ANK1: variants seen among roughly 807,000 people sequenced by gnomAD.
ANK1 encodes ankyrin-1.
ANK1 carries 51 observed loss-of-function variants against 210.4 expected under a neutral mutation model. The observed-to-expected ratio is 0.24, with a 90% confidence interval of 0.19 to 0.31. The LOEUF is 0.31. ANK1 is among the 10% of genes least tolerant of loss of function. The pLI is 1.00. For synonymous variants in ANK1, 967 were observed against 1,025.9 expected, an observed-to-expected ratio of 0.94 and a Z score of 1.10; for missense variants, 2,051 against 2,504.4, an observed-to-expected ratio of 0.82 and a Z score of 3.86.
In ANK1 at chr8:41,699,352, C is replaced by T. The variant is rs1296671271; in HGVS notation, c.2558+100G>A. ...CTCTCTCTGCGGGCAGCGAGCCCAG[C>T]GCCTGGCCTGCTGTGTCCTTCCTCC... On this transcript the variant is annotated intron_variant, in intron 23 of 42. Coordinates refer to ENST00000289734, the MANE Select transcript of ANK1 (RefSeq NM_000037.4). 6.3e-5 allele frequency: 71 copies of T among 1,124,976 alleles called. 1 individual carries two copies. In the South Asian group the frequency reaches 6.8e-4, roughly 11 times the overall value. The allele number at this position is 1,124,976 out of a possible 1,614,324, so 69.7% of individuals were successfully genotyped here. A position where few individuals can be genotyped will look rare whatever the true frequency, so the allele number is the denominator to read the frequency against.
chr8:41,840,291 C>G (rs1024223310), intron 1 of ANK1: 1 of 152,214 alleles, frequency 6.6e-6, no homozygotes, highest in African/African-American at 2.4e-5. Context: ...TTCTCCTGCA[C>G]TCAAGCGATC....
chr8:41,845,938 T>C (rs560671090), intron 1 of ANK1, among the ~76,000 whole-genome samples: 54 of 152,294 alleles, frequency 3.5e-4, no homozygotes, highest in African/African-American at 1.2e-3. Context: ...TCCATCTTTT[T>C]CCCCCTACCT....
At chr8:41,896,681 G>A (rs1820578544) in exon 1 of ANK1, 1 of 538,344 alleles carries the variant, frequency 1.9e-6, no homozygotes, top group Non-Finnish European at 2.6e-6. Context: ...GGCTGCCCGC[G>A]GCCCGGGATG....
At chr8:41,889,898 C>T (rs1819103855) in intron 1 of ANK1, among the ~76,000 whole-genome samples, 1 of 152,226 alleles carries the variant, frequency 6.6e-6, no homozygotes, top group African/African-American at 2.4e-5. Context: ...GATTACTGCG[C>T]AGGTCTGCAA....
At chr8:41,881,635 TC>T (rs1817602155) in intron 1 of ANK1, among the ~76,000 whole-genome samples, 1 of 152,332 alleles carries the variant, frequency 6.6e-6, no homozygotes, top group African/African-American at 2.4e-5. Flanking sequence ...CTCACTTTTT[TC>T]CTCTTAGGTA....
chr8:41,827,969 GC>G (rs1563858361), intron 1 of ANK1, among the ~76,000 whole-genome samples: 2 of 87,476 alleles, frequency 2.3e-5, no homozygotes, highest in African/African-American at 8.9e-5. Flanking sequence ...CACCGCCCCC[GC>G]CCCCCAACCC....
chr8:41,740,724 CT>C (rs1834578924), intron 2 of ANK1, among the ~76,000 whole-genome samples: 1 of 152,210 alleles, frequency 6.6e-6, no homozygotes, highest in African/African-American at 2.4e-5. Context: ...ATTAAGGTTC[CT>C]GAGTTGGTGC....
intron 17 of ANK1, among the ~76,000 whole-genome samples, chr8:41,708,028 G>A (rs1441032123): frequency 6.6e-6 from 1 of 152,196 alleles, no homozygotes; most frequent in African/African-American, 2.4e-5. Context: ...TGGGGGAAAT[G>A]AGAAGTGACT....
chr8:41,693,768 C>T (rs1041732388), intron 29 of ANK1, 130 bp downstream of exon 29: 3 of 1,009,518 alleles, frequency 3.0e-6, no homozygotes, highest in Non-Finnish European at 4.4e-6. Flanking sequence ...CTTGGAAGAG[C>T]ACCTCACTCC....
intron 2 of ANK1, among the ~76,000 whole-genome samples, chr8:41,749,048 T>G (rs756939110): frequency 4.1e-5 from 6 of 145,900 alleles, no homozygotes; most frequent in Admixed American, 2.7e-4. Context: ...AAAAAAAAAA[T>G]TGTTGAATGA....
Position 41,673,968 on chromosome 8 carries a change from C to T in ANK1, c.4538-1056G>A, listed in dbSNP as rs117190874. Among the ~76,000 whole-genome samples, 179 of 152,302 alleles carry T rather than the reference C, an allele frequency of 1.2e-3. 2 individuals carry two copies. In the East Asian group the frequency reaches 0.026, roughly 23 times the overall value. ...CAGTCTCTAGGGACCTTCCTGCCAT[C>T]GAGAGATGTCCAGACACCCCCAGCC... On this transcript the variant is annotated intron_variant, in intron 37 of 42. Transcript: ENST00000289734.
chr8:41,717,464 T>C, intron 12 of ANK1, 140 bp downstream of exon 12: 4 of 822,842 alleles, frequency 4.9e-6, no homozygotes, highest in Non-Finnish European at 8.0e-6. Context: ...TACACAGGGA[T>C]GTCCTCCCCC....
chr8:41,802,136 C>A (rs987812614), upstream of ANK1, among the ~76,000 whole-genome samples: 2 of 152,158 alleles, frequency 1.3e-5, no homozygotes, highest in African/African-American at 4.8e-5. Flanking sequence ...ACTACAGGCA[C>A]TCACCACCAC....
intron 1 of ANK1, among the ~76,000 whole-genome samples, chr8:41,858,831 G>C (rs1489104138): frequency 6.6e-6 from 1 of 152,222 alleles, no homozygotes; most frequent in Non-Finnish European, 1.5e-5. Context: ...GACTGGCAGG[G>C]AGCTTAATAA....
intron 1 of ANK1, among the ~76,000 whole-genome samples, chr8:41,834,733 G>C (rs573700169): frequency 1.3e-5 from 2 of 152,344 alleles, no homozygotes; most frequent in African/African-American, 4.8e-5. Flanking sequence ...GCAGCAGATG[G>C]GGCCCTGGGG....
intron 1 of ANK1, among the ~76,000 whole-genome samples, chr8:41,877,113 G>A (rs1254009502): frequency 6.6e-6 from 1 of 152,196 alleles, no homozygotes; most frequent in Non-Finnish European, 1.5e-5. Context: ...GGGCCACATA[G>A]TGAGACCCAG....
chr8:41,663,931 G>T (rs1809445622), intron 39 of ANK1, 189 bp from the exon 40 acceptor site: 1 of 667,496 alleles, frequency 1.5e-6, no homozygotes, highest in African/African-American at 1.8e-5. Flanking sequence ...GCGCCCCTGA[G>T]GGTCTGGGAG....
chr8:41,728,738 A>C (rs1278543380), intron 3 of ANK1, among the ~76,000 whole-genome samples: 1 of 152,228 alleles, frequency 6.6e-6, no homozygotes, highest in Non-Finnish European at 1.5e-5. Flanking sequence ...TTATAAAAGA[A>C]AAATAATACT....
At chr8:41,758,288 G>A in intron 1 of ANK1, 151 bp from the exon 2 acceptor site, 1 of 766,974 alleles carries the variant, frequency 1.3e-6, no homozygotes, top group Non-Finnish European at 2.3e-6. Flanking sequence ...AGGAGCCTGA[G>A]AGCCCCTGGT....
Sources: gnomAD v4.1 joint callset for allele counts (sites outside exome capture counted in the v4.1 genomes callset) on GRCh38, gnomAD v4.1.1 for gene constraint, MANE v1.5 for transcripts, NCBI Gene and HGNC (gene_info 2026-07-23, HGNC 2026-07-21) for gene names.